TRIM27: variants seen among roughly 807,000 people sequenced by gnomAD.
TRIM27 encodes tripartite motif containing 27.
Under a neutral mutation model 57.6 loss-of-function variants are expected in TRIM27, and 12 were observed. The observed-to-expected ratio is 0.21, with a 90% CI of 0.13 to 0.34. The LOEUF (loss-of-function observed/expected upper bound fraction) is 0.34, where lower values mean the gene tolerates loss of function less well. Among genes scored for constraint, TRIM27 ranks in the 10% least tolerant of loss-of-function variants. The probability of loss-of-function intolerance (pLI) is 1.00; values close to 1 mark genes in which losing one functional copy is unlikely to be tolerated. For synonymous variants in TRIM27, 266 were observed against 259.0 expected, an observed-to-expected ratio of 1.03 and a Z score of -0.26; for missense variants, 403 against 656.8, an observed-to-expected ratio of 0.61 and a Z score of 4.22.
At chr6:28,921,101 C>A (rs1773994441) in intron 2 of TRIM27, among the ~76,000 whole-genome samples, 1 of 152,218 alleles carries the variant, frequency 6.6e-6, no homozygotes, top group Non-Finnish European at 1.5e-5. Flanking sequence ...AGGAGCCAGG[C>A]TGGGCGCGGT....
intron 2 of TRIM27, among the ~76,000 whole-genome samples, chr6:28,921,580 C>T (rs778385996): frequency 1.1e-4 from 17 of 152,262 alleles, no homozygotes; most frequent in Non-Finnish European, 5.9e-5. Flanking sequence ...ATGGTACCAA[C>T]GCAAGCTAAC....
In TRIM27 at chr6:28,903,945, C is replaced by A; in HGVS notation, c.*125G>T. 2.8e-6 allele frequency: 2 copies of A among 719,726 alleles called. No homozygotes were observed. Among genetic ancestry groups the A allele is most frequent in the Non-Finnish European group, 4.8e-6 (2 of 415,772 alleles). 44.6% of individuals were successfully genotyped at this position (719,726 alleles called of 1,614,324 possible). The stretch of plus-strand genomic sequence containing the variant: ...GGTAGAGAACATGGACATCCTGTCT[C>A]CCACTGCAAGGGCGTGGAACATGGT... On this transcript the variant is annotated 3_prime_UTR_variant, in exon 8 of 8. Coordinates refer to ENST00000377199, the MANE Select transcript of TRIM27 (RefSeq NM_006510.5).
Position 28,923,581 on chromosome 6 carries a change from C to G in TRIM27, c.52G>C (p.Val18Leu). The G allele has an allele frequency of 6.2e-7, 1 of 1,607,672 alleles. No individual in the cohort carries two copies. Among genetic ancestry groups the G allele is most frequent in the South Asian group, 1.1e-5 (1 of 90,692 alleles). The change falls in exon 1 of 8, where the codon GTG becomes CTG. Residue 18 changes from valine to leucine, a missense_variant. Transcript: ENST00000377199. Reference sequence around the variant, plus strand: ...GGCTCTGCGAAGTACTGCAGGCACACGGGGCAGGTGGTCTCCTGCTGCAGG... The same window carrying G: ...GGCTCTGCGAAGTACTGCAGGCACAGGGGGCAGGTGGTCTCCTGCTGCAGG... Reference protein sequence around the residue: ...ECLQQETTCPVCLQYFAEPMM... With the variant: ...ECLQQETTCPLCLQYFAEPMM...
intron 3 of TRIM27, 104 bp downstream of exon 3, chr6:28,919,908 T>A (rs1773894227): frequency 1.9e-6 from 2 of 1,077,270 alleles, no homozygotes; most frequent in Non-Finnish European, 2.6e-6. Context: ...TTGCTATTCC[T>A]GCAGAGTTAA....
At chr6:28,914,022 T>C (rs1444244450) in intron 3 of TRIM27, among the ~76,000 whole-genome samples, 1 of 144,396 alleles carries the variant, frequency 6.9e-6, no homozygotes, top group Non-Finnish European at 1.5e-5. Context: ...AGCCTACCTA[T>C]GTTTTTTTTT....
At position 28,923,225 on chromosome 6, in the gene TRIM27, C is replaced by T. The variant is rs2150496779; in HGVS notation, c.408G>A (p.Val136=). ...GHSVLPLEEA[V]EGFKEQIQNQ... is the part of the protein sequence containing the mutation. ...TCCGCGCCCTCACCTTGAAGCCCTC[C>T]ACCGCCTCCTCGAGCGGCAGCACGC... Residue 136 remains valine (V), a synonymous_variant, in exon 1 of 8, where the codon GTG becomes GTA. Coordinates refer to ENST00000377199, the MANE Select transcript of TRIM27 (RefSeq NM_006510.5). 1 of 1,588,668 alleles carries T rather than the reference C, an allele frequency of 6.3e-7. No homozygotes were observed. Among genetic ancestry groups the T allele is most frequent in the Non-Finnish European group, 8.6e-7 (1 of 1,167,192 alleles).
intron 4 of TRIM27, chr6:28,911,339 GA>G (rs9256951): frequency 4.3e-3 from 818 of 188,564 alleles, no homozygotes; most frequent in Middle Eastern, 0.015. Flanking sequence ...CCCCATTACA[GA>G]AAAAAAAAAA....
Position 28,920,036 on chromosome 6 carries a change from C to T in TRIM27, c.723G>A (p.Gln241=). 2 of 1,613,454 alleles carry T rather than the reference C, an allele frequency of 1.2e-6. No individual in the cohort carries two copies. Among genetic ancestry groups the T allele is most frequent in the Non-Finnish European group, 1.7e-6 (2 of 1,179,888 alleles). ...CCTGCAGGAGCTCCCTGGTGGGCTGCTGCTGCTTCTCTTCTAGCTGAGCGA... is the reference window on the plus strand; with the variant it reads ...CCTGCAGGAGCTCCCTGGTGGGCTGTTGCTGCTTCTCTTCTAGCTGAGCGA... ...SLIAQLEEKQ[Q]QPTRELLQDI... The change falls in exon 3 of 8, where the codon CAG becomes CAA. Residue 241 remains glutamine (Q), a synonymous_variant. Transcript: ENST00000377199.
chr6:28,921,151 T>C (rs576505612), intron 2 of TRIM27, among the ~76,000 whole-genome samples: 1 of 152,206 alleles, frequency 6.6e-6, no homozygotes, highest in African/African-American at 2.4e-5. Context: ...GAGGCTGAGG[T>C]GGGCGGATCA....
At chr6:28,911,105 T>A (rs1007221601) in intron 4 of TRIM27, among the ~76,000 whole-genome samples, 2 of 152,136 alleles carry the variant, frequency 1.3e-5, no homozygotes, top group African/African-American at 4.8e-5. Context: ...CCCATCCCAC[T>A]TGCCTCGTCA....
intron 4 of TRIM27, among the ~76,000 whole-genome samples, chr6:28,909,983 G>T (rs1291365676): frequency 6.6e-6 from 1 of 152,052 alleles, no homozygotes; most frequent in Non-Finnish European, 1.5e-5. Context: ...ACTTAAAAAT[G>T]TAACATGACA....
At chr6:28,907,303 T>C in intron 6 of TRIM27, 41 bp from the exon 7 acceptor site, 1 of 1,599,520 alleles carries the variant, frequency 6.3e-7, no homozygotes, top group Non-Finnish European at 8.5e-7. Flanking sequence ...GTCATGAGGG[T>C]TTCCAGGAAA....
Position 28,911,690 on chromosome 6 carries a change from CTA to C in TRIM27, c.770+4_770+5del. The C allele has an allele frequency of 1.2e-6, 2 of 1,611,888 alleles. No homozygotes were observed. Among genetic ancestry groups the C allele is most frequent in the Non-Finnish European group, 1.7e-6 (2 of 1,179,348 alleles). ...GATTTAACACTAGGGAAACAGAAAACTATACCTGCTCAATGTGTCCCCAATGT... is the reference window on the plus strand; with the variant it reads ...GATTTAACACTAGGGAAACAGAAAACTACCTGCTCAATGTGTCCCCAATGT... On this transcript the variant is annotated splice_donor_5th_base_variant and intron_variant, in intron 4 of 7. Coordinates refer to ENST00000377199, the MANE Select transcript of TRIM27 (RefSeq NM_006510.5).
At chr6:28,920,963 G>A (rs1277517697) in intron 2 of TRIM27, among the ~76,000 whole-genome samples, 1 of 152,150 alleles carries the variant, frequency 6.6e-6, no homozygotes, top group African/African-American at 2.4e-5. Context: ...CTTTGGGTAG[G>A]AGGGGGAGAG....
At chr6:28,914,651 T>C (rs1773474413) in intron 3 of TRIM27, 1 of 150,136 alleles carries the variant, frequency 6.7e-6, no homozygotes, top group Non-Finnish European at 1.5e-5. Flanking sequence ...TGGGTGATGG[T>C]TACACTGAAA....
In TRIM27 at chr6:28,904,728, C is replaced by A. The variant is rs4361641; in HGVS notation, c.947-63G>T. 23 of 1,231,630 alleles carry A rather than the reference C, an allele frequency of 1.9e-5. No homozygotes were observed. In the East Asian group the frequency reaches 4.7e-4, roughly 25 times the overall value. 76.3% of individuals were successfully genotyped at this position (1,231,630 alleles called of 1,614,324 possible). ...GGAGAGCCTATTTTAGAACACCCAG[C>A]GCCTTTCTACTACCTCCCCAATAAT... On this transcript the variant is annotated intron_variant, in intron 7 of 7. Coordinates refer to ENST00000377199, the MANE Select transcript of TRIM27 (RefSeq NM_006510.5). This position sits in a 1 kb window ranked among gnomAD's most constrained non-coding sequence, Gnocchi z 6.1.
chr6:28,914,001 T>C (rs543225998), intron 3 of TRIM27, among the ~76,000 whole-genome samples: 1 of 148,628 alleles, frequency 6.7e-6, no homozygotes, highest in East Asian at 2.0e-4. Flanking sequence ...AGAGCTCTTC[T>C]TTCACAGTGT....
intron 7 of TRIM27, chr6:28,905,424 A>G (rs936998744): frequency 6.6e-6 from 1 of 152,232 alleles, no homozygotes; most frequent in Non-Finnish European, 1.5e-5. Context: ...TTTTGATGCT[A>G]TAATTAATTT....
chr6:28,909,097 A>G lies in TRIM27; in HGVS notation c.771-9T>C. ...TCCTGATTCTTTCAGCCCTAAATTT[A>G]AAAAACATGAGTAAATTTTTTTTTT... On this transcript the variant is annotated splice_polypyrimidine_tract_variant and intron_variant, in intron 4 of 7. Coordinates refer to ENST00000377199, the MANE Select transcript of TRIM27 (RefSeq NM_006510.5). 1 of 1,588,828 alleles carries G rather than the reference A, an allele frequency of 6.3e-7. No individual in the cohort carries two copies. Among genetic ancestry groups the G allele is most frequent in the Non-Finnish European group, 8.6e-7 (1 of 1,169,158 alleles).
Sources: gnomAD v4.1 joint callset for allele counts (sites outside exome capture counted in the v4.1 genomes callset) on GRCh38, gnomAD v4.1.1 for gene constraint, Gnocchi (gnomAD v3.1) non-coding constraint, MANE v1.5 for transcripts, NCBI Gene and HGNC (gene_info 2026-07-23, HGNC 2026-07-21) for gene names.